The following TNFRSF9 variants were observed in gnomAD, a reference collection of about 807,000 sequenced individuals.
The protein encoded by TNFRSF9 is tumor necrosis factor receptor superfamily member 9.
TNFRSF9 carries 16 observed loss-of-function variants against 28.8 expected under a neutral mutation model. The observed-to-expected ratio is 0.55, with a 90% CI of 0.38 to 0.84. The LOEUF is 0.84. Ranked by LOEUF, TNFRSF9 falls within the 40% of genes least tolerant of loss-of-function variation. TNFRSF9 has a pLI of 0.00. For missense variants in TNFRSF9, 303 were observed against 315.0 expected (o/e 0.96, Z 0.29); for synonymous variants, 131 against 117.0 (o/e 1.12, Z -0.77).
chr1:7,925,295 C>T (rs1639631329), intron 7 of TNFRSF9, among the ~76,000 whole-genome samples: 1 of 147,820 alleles, frequency 6.8e-6, no homozygotes, highest in Admixed American at 7.0e-5. Context: ...GCAGCAAGAC[C>T]CTGCCTCAAA....
At position 7,938,838 on chromosome 1, in the gene TNFRSF9, G is replaced by A; in HGVS notation, c.101-10C>T. 6.3e-7 allele frequency: 1 copy of A among 1,590,944 alleles called. No individual in the cohort carries two copies. Among genetic ancestry groups the A allele is most frequent in the African/African-American group, 1.3e-5 (1 of 74,534 alleles). On this transcript the variant is annotated splice_polypyrimidine_tract_variant and intron_variant, in intron 2 of 7. Transcript: ENST00000377507. Reference sequence around the variant, plus strand: ...TTATCACAGAATGTACCTAAGAAAGGCAGACAATAGTGGTACACGTTTGAC... The same window carrying A: ...TTATCACAGAATGTACCTAAGAAAGACAGACAATAGTGGTACACGTTTGAC...
chr1:7,937,938 A>T (rs1203317451), intron 4 of TNFRSF9, among the ~76,000 whole-genome samples, 182 bp from the exon 5 acceptor site: 1 of 152,254 alleles, frequency 6.6e-6, no homozygotes, highest in Non-Finnish European at 1.5e-5. Flanking sequence ...AGTATTGTAT[A>T]TGTCTGGAAC....
chr1:7,921,716 A>G (rs1303725143), intron 7 of TNFRSF9: 2 of 152,188 alleles, frequency 1.3e-5, no homozygotes, highest in Admixed American at 1.3e-4. Context: ...AAACTCATCC[A>G]CAAGAGAGGT....
intron 7 of TNFRSF9, among the ~76,000 whole-genome samples, chr1:7,922,857 T>C (rs1202552403): frequency 1.3e-5 from 2 of 151,222 alleles, no homozygotes; most frequent in African/African-American, 4.9e-5. Context: ...TCTCTAGTTA[T>C]GAGACCAGGA....
rs577421996 is a variant in TNFRSF9, at chr1:7,916,325, C to T, written c.*4510G>A. 6.6e-6 allele frequency: 1 copy of T among 152,280 alleles called. No individual in the cohort carries two copies. The highest frequency in any genetic ancestry group is 1.5e-5 in the Non-Finnish European group (1 of 68,020). The allele number at this position is 152,280 out of a possible 1,614,324, so 9.4% of individuals were successfully genotyped here. A position where few individuals can be genotyped will look rare whatever the true frequency, so the allele number is the denominator to read the frequency against. On this transcript the variant is annotated 3_prime_UTR_variant, in exon 8 of 8. Coordinates refer to ENST00000377507, the MANE Select transcript of TNFRSF9 (RefSeq NM_001561.6). ...ATTTTATTCTGTCTCAATGTTCCTTCCTTATTAATTGTCATTTAGGGGGAG... is the reference window on the plus strand; with the variant it reads ...ATTTTATTCTGTCTCAATGTTCCTTTCTTATTAATTGTCATTTAGGGGGAG...
intron 2 of TNFRSF9, 68 bp downstream of exon 2, chr1:7,939,827 A>G (rs1639875114): frequency 1.6e-6 from 2 of 1,216,834 alleles, no homozygotes; most frequent in Non-Finnish European, 2.3e-6. Context: ...GTTAGCCCTG[A>G]CTACTAGACT....
chr1:7,940,050 TCA>T lies in TNFRSF9; in HGVS notation c.-58_-57del. 7.8e-7 allele frequency: 1 copy of T among 1,274,198 alleles called. No homozygotes were observed. The highest frequency in any genetic ancestry group is 1.5e-5 in the African/African-American group (1 of 68,672). The allele number at this position is 1,274,198 out of a possible 1,614,324, so 78.9% of individuals were successfully genotyped here. A position where few individuals can be genotyped will look rare whatever the true frequency, so the allele number is the denominator to read the frequency against. ...AAAGCTGATTCCAAGAGAATTTTAA[TCA>T]AATTAGCTGGTCTCACAAATGTCAC... On this transcript the variant is annotated 5_prime_UTR_variant, in exon 2 of 8. Coordinates refer to ENST00000377507, the MANE Select transcript of TNFRSF9 (RefSeq NM_001561.6).
At chr1:7,923,005 C>T (rs774069927) in intron 7 of TNFRSF9, among the ~76,000 whole-genome samples, 4 of 150,826 alleles carry the variant, frequency 2.7e-5, no homozygotes, top group Non-Finnish European at 2.9e-5. Flanking sequence ...TGGGTTCAAG[C>T]GGTTCTCTTG....
intron 7 of TNFRSF9, 40 bp from the exon 8 acceptor site, chr1:7,920,963 A>G (rs775193308): frequency 1.5e-6 from 2 of 1,339,022 alleles, no homozygotes; most frequent in South Asian, 1.2e-5. Flanking sequence ...TTTGTTGTCT[A>G]TTTGAATCAT....
In TNFRSF9 at chr1:7,918,866, A is replaced by G. The variant is rs1043204251; in HGVS notation, c.*1969T>C. The G allele has an allele frequency of 6.6e-6, 1 of 152,200 alleles. No individual in the cohort carries two copies. Among genetic ancestry groups the G allele is most frequent in the African/African-American group, 2.4e-5 (1 of 41,452 alleles). 9.4% of individuals were successfully genotyped at this position (152,200 alleles called of 1,614,324 possible). A position where few individuals can be genotyped will look rare whatever the true frequency, so the allele number is the denominator to read the frequency against. The stretch of plus-strand genomic sequence containing the variant: ...CTGATAGTACCAGAGGGTAGCAAGG[A>G]TGTGGATCAATGGGATACTTACATG... On this transcript the variant is annotated 3_prime_UTR_variant, in exon 8 of 8. Coordinates refer to ENST00000377507, the MANE Select transcript of TNFRSF9 (RefSeq NM_001561.6).
At chr1:7,938,856 C>T (rs759772065) in intron 2 of TNFRSF9, 28 bp from the exon 3 acceptor site, 16 of 1,519,654 alleles carry the variant, frequency 1.1e-5, no homozygotes, top group Middle Eastern at 3.4e-4. Flanking sequence ...TAGTGGTACA[C>T]GTTTGACAAT....
chr1:7,938,850 G>A, intron 2 of TNFRSF9, 22 bp from the exon 3 acceptor site: 2 of 1,560,004 alleles, frequency 1.3e-6, no homozygotes, highest in Non-Finnish European at 1.8e-6. Flanking sequence ...AGACAATAGT[G>A]GTACACGTTT....
intron 4 of TNFRSF9, 39 bp from the exon 5 acceptor site, chr1:7,937,795 T>C (rs1639842976): frequency 6.4e-7 from 1 of 1,550,468 alleles, no homozygotes; most frequent in Non-Finnish European, 8.9e-7. Flanking sequence ...AAGGGAAGCA[T>C]TTTCATCATT....
chr1:7,939,944 G>A lies in TNFRSF9; in HGVS notation c.51C>T (p.Asn17=). Residue 17 remains asparagine, a synonymous_variant, in exon 2 of 8, where the codon AAC becomes AAT. Transcript: ENST00000377507. ...NIVATLLLVL[N]FERTRSLQDP... ...CCTGCAATGATCTTGTCCTCTCAAA[G>A]TTGAGGACCAGCAACAGAGTGGCTA... The A allele has an allele frequency of 6.2e-7, 1 of 1,606,834 alleles. No individual in the cohort carries two copies. The highest frequency in any genetic ancestry group is 1.1e-5 in the South Asian group (1 of 90,644).
chr1:7,935,967 C>G (rs1469644729), intron 5 of TNFRSF9, among the ~76,000 whole-genome samples: 1 of 152,196 alleles, frequency 6.6e-6, no homozygotes. Context: ...TTATCACCAT[C>G]ATCGCCATCA....
chr1:7,938,704 TATCTTTGAACTC>T lies in TNFRSF9; in HGVS notation c.208+5_208+16del, dbSNP rs375937837. ...CCAACTATCTTCTAGAAGAAGAAAA[TATCTTTGAACTC>T]ATACCTTTACACTGCCTGCATATGT... On this transcript the variant is annotated splice_donor_5th_base_variant and intron_variant, in intron 3 of 7. Coordinates refer to ENST00000377507, the MANE Select transcript of TNFRSF9 (RefSeq NM_001561.6). 1.0e-3 allele frequency: 1,587 copies of T among 1,551,798 alleles called. No individual in the cohort carries two copies. The highest frequency in any genetic ancestry group is 1.4e-3 in the Non-Finnish European group (1,536 of 1,137,036).
chr1:7,927,473 C>T (rs893078057), intron 7 of TNFRSF9, among the ~76,000 whole-genome samples: 9 of 152,102 alleles, frequency 5.9e-5, no homozygotes, highest in Admixed American at 4.6e-4. Flanking sequence ...TCTTTTGTCT[C>T]GTCTTTTATT....
At chr1:7,940,280 G>A (rs1041020055) in intron 1 of TNFRSF9, among the ~76,000 whole-genome samples, 1 of 152,134 alleles carries the variant, frequency 6.6e-6, no homozygotes, top group Non-Finnish European at 1.5e-5. Flanking sequence ...GCTTTGTGCC[G>A]GTTTGCCAAA....
At chr1:7,935,298 C>T (rs1190128359) in intron 5 of TNFRSF9, among the ~76,000 whole-genome samples, 155 bp from the exon 6 acceptor site, 1 of 152,214 alleles carries the variant, frequency 6.6e-6, no homozygotes, top group Non-Finnish European at 1.5e-5. Context: ...TGAAAAACTT[C>T]CACTTGACCA....
Sources: allele counts gnomAD v4.1 joint callset (sites outside exome capture counted in the v4.1 genomes callset), GRCh38; gene constraint gnomAD v4.1.1; transcripts MANE v1.5; gene names NCBI Gene and HGNC (gene_info 2026-07-23, HGNC 2026-07-21).